Variants in RBFOX2 observed in about 807,000 individuals in gnomAD.
The protein encoded by RBFOX2 is RNA binding protein fox-1 homolog 2.
RBFOX2 carries 10 observed loss-of-function variants against 49.1 expected under a neutral mutation model. That is an observed-to-expected ratio of 0.20 (90% CI 0.13 to 0.35). RBFOX2 has a LOEUF of 0.35. Ranked by LOEUF, RBFOX2 falls within the 10% of genes least tolerant of loss-of-function variation. The pLI is 1.00. For synonymous variants in RBFOX2, 183 were observed against 187.4 expected, an observed-to-expected ratio of 0.98 and a Z score of 0.19; for missense variants, 323 against 486.9, an observed-to-expected ratio of 0.66 and a Z score of 3.17.
intron 1 of RBFOX2, among the ~76,000 whole-genome samples, chr22:35,928,517 C>G (rs541713801): frequency 6.6e-6 from 1 of 152,186 alleles, no homozygotes. Context: ...TTTGAAGGAA[C>G]CACCAGGCCT....
chr22:35,936,989 T>C (rs888717614), intron 1 of RBFOX2, among the ~76,000 whole-genome samples: 1 of 152,236 alleles, frequency 6.6e-6, no homozygotes, highest in African/African-American at 2.4e-5. Flanking sequence ...CAAGACTAGA[T>C]TAAGAGACTA....
At chr22:35,934,592 G>A (rs1321799702) in intron 1 of RBFOX2, among the ~76,000 whole-genome samples, 2 of 152,266 alleles carry the variant, frequency 1.3e-5, no homozygotes, top group Non-Finnish European at 2.9e-5. Context: ...TGCACCAAAA[G>A]CGAGCGAGGG....
At chr22:35,849,272 AAC>A (rs139912549) in intron 1 of RBFOX2, among the ~76,000 whole-genome samples, 14 of 140,884 alleles carry the variant, frequency 9.9e-5, no homozygotes, top group African/African-American at 1.6e-4. Context: ...CCTGGTTCAA[AAC>A]ACACACACAC....
chr22:35,895,366 G>C (rs2047715983), intron 1 of RBFOX2, among the ~76,000 whole-genome samples: 1 of 152,130 alleles, frequency 6.6e-6, no homozygotes, highest in Admixed American at 6.5e-5. Flanking sequence ...CTAAGATCAA[G>C]GCAAGTGAGC....
rs542590079 is a variant in RBFOX2, at chr22:35,938,807, C to T, written c.-34+40G>A. On this transcript the variant is annotated intron_variant, in intron 1 of 13. Transcript: ENST00000359369. ...AGCAACCCTTTGATGAAACACACCACACACATACATCATCTGAGTTACAAA... is the reference window on the plus strand; with the variant it reads ...AGCAACCCTTTGATGAAACACACCATACACATACATCATCTGAGTTACAAA... The T allele has an allele frequency of 4.2e-5, 66 of 1,576,638 alleles. 1 individual carries two copies. The South Asian group carries it at 7.2e-4, about 17-fold the overall frequency.
At chr22:35,873,600 C>T (rs569293379) in intron 1 of RBFOX2, among the ~76,000 whole-genome samples, 1 of 152,286 alleles carries the variant, frequency 6.6e-6, no homozygotes, top group African/African-American at 2.4e-5. Flanking sequence ...ATGCATGTCA[C>T]CCCAATTTTT....
intron 1 of RBFOX2, among the ~76,000 whole-genome samples, chr22:35,988,316 G>A (rs187987958): frequency 4.5e-4 from 68 of 152,126 alleles, no homozygotes; most frequent in South Asian, 3.3e-3. Context: ...TATAAATCAC[G>A]TACTGTGCTA....
chr22:35,917,211 C>G (rs1419741705), intron 1 of RBFOX2, among the ~76,000 whole-genome samples: 1 of 151,968 alleles, frequency 6.6e-6, no homozygotes, highest in Non-Finnish European at 1.5e-5. Flanking sequence ...GGGGAAGACA[C>G]AACAAAAAAG....
At chr22:35,845,415 G>C (rs933951021), upstream of RBFOX2, among the ~76,000 whole-genome samples, 1 of 150,030 alleles carries the variant, frequency 6.7e-6, no homozygotes, top group Non-Finnish European at 1.5e-5. Flanking sequence ...AAAAAAGTGA[G>C]TGTGAAATTT....
intron 1 of RBFOX2, among the ~76,000 whole-genome samples, chr22:35,919,288 A>G (rs367741373): frequency 3.3e-5 from 5 of 152,262 alleles, no homozygotes; most frequent in East Asian, 3.8e-4. Flanking sequence ...CTGTAATTCC[A>G]GCAGATTCAG....
At chr22:35,859,613 T>C (rs764166833) in intron 1 of RBFOX2, among the ~76,000 whole-genome samples, 3 of 152,228 alleles carry the variant, frequency 2.0e-5, no homozygotes, top group Non-Finnish European at 4.4e-5. Context: ...ATGGCTGATA[T>C]GCATTTCTGT....
intron 9 of RBFOX2, chr22:35,748,175 T>C (rs768262123): frequency 1.3e-5 from 2 of 152,244 alleles, no homozygotes; most frequent in African/African-American, 2.4e-5. Flanking sequence ...TAGTTTCAAA[T>C]GTACTTAAAA....
intron 1 of RBFOX2, among the ~76,000 whole-genome samples, chr22:35,931,171 C>T (rs2052351693): frequency 6.6e-6 from 1 of 151,958 alleles, no homozygotes. Context: ...GATGGGTGAC[C>T]TGAGGTCAGA....
At chr22:35,978,095 C>T (rs1279728518) in intron 1 of RBFOX2, among the ~76,000 whole-genome samples, 1 of 151,980 alleles carries the variant, frequency 6.6e-6, no homozygotes, top group Non-Finnish European at 1.5e-5. Flanking sequence ...AGTCAGCCAT[C>T]GCGGTTGGAA....
At chr22:35,919,665 T>C (rs2050813535) in intron 1 of RBFOX2, among the ~76,000 whole-genome samples, 1 of 152,214 alleles carries the variant, frequency 6.6e-6, no homozygotes, top group Non-Finnish European at 1.5e-5. Flanking sequence ...CCACACACTT[T>C]AAATGGGTGA....
chr22:36,012,277 G>A (rs1381039154), intron 1 of RBFOX2, among the ~76,000 whole-genome samples: 3 of 152,120 alleles, frequency 2.0e-5, no homozygotes, highest in Admixed American at 1.3e-4. Context: ...AAAAGGCACT[G>A]GATAAAGAGC....
At chr22:35,853,292 T>TAAAAAA (rs11289647) in intron 1 of RBFOX2, among the ~76,000 whole-genome samples, 2 of 129,818 alleles carry the variant, frequency 1.5e-5, no homozygotes, top group Non-Finnish European at 3.3e-5. Flanking sequence ...AGCCTCTGTC[T>TAAAAAA]AAAAAAAAAA....
At chr22:35,897,557 C>T in intron 1 of RBFOX2, 4 of 895,830 alleles carry the variant, frequency 4.5e-6, no homozygotes, top group Non-Finnish European at 7.6e-6. Context: ...CTGTGAGCCA[C>T]AGCAAAGATG....
At chr22:35,988,194 CG>C (rs2057805097) in intron 1 of RBFOX2, among the ~76,000 whole-genome samples, 1 of 152,122 alleles carries the variant, frequency 6.6e-6, no homozygotes, top group Non-Finnish European at 1.5e-5. Context: ...AACCGCACAG[CG>C]ATCATTCACC....
Sources: gnomAD v4.1 joint callset for allele counts (sites outside exome capture counted in the v4.1 genomes callset) on GRCh38, gnomAD v4.1.1 for gene constraint, MANE v1.5 for transcripts, NCBI Gene and HGNC (gene_info 2026-07-23, HGNC 2026-07-21) for gene names.